Variants in MAST4 observed in about 807,000 individuals in gnomAD.
The protein encoded by MAST4 is microtubule-associated serine/threonine-protein kinase 4.
A neutral mutation model predicts 162.7 loss-of-function variants in MAST4; 89 were observed. The ratio of observed to expected loss-of-function variants is 0.55; its 90% confidence interval spans 0.46 to 0.65. The LOEUF is 0.65. MAST4 is among the 30% of genes least tolerant of loss of function. MAST4 has a pLI of 0.00. For missense variants in MAST4, 3,153 were observed against 3,374.0 expected, an observed-to-expected ratio of 0.93 and a Z score of 1.62; for synonymous variants, 1,479 against 1,361.1, an observed-to-expected ratio of 1.09 and a Z score of -1.91.
intron 1 of MAST4, among the ~76,000 whole-genome samples, chr5:66,754,994 G>A (rs908611559): frequency 2.6e-5 from 4 of 152,166 alleles, no homozygotes; most frequent in African/African-American, 9.7e-5. Flanking sequence ...AAGGTGGATC[G>A]AGTGGAGTGG....
At chr5:66,729,566 A>G (rs1446316043) in intron 1 of MAST4, among the ~76,000 whole-genome samples, 1 of 152,102 alleles carries the variant, frequency 6.6e-6, no homozygotes, top group Non-Finnish European at 1.5e-5. Flanking sequence ...ATTGATTTAT[A>G]CCTCACATCA....
chr5:66,794,920 AAG>A (rs1755579008), intron 3 of MAST4, among the ~76,000 whole-genome samples: 1 of 152,342 alleles, frequency 6.6e-6, no homozygotes, highest in East Asian at 1.9e-4. Context: ...ATTTGCAAAA[AAG>A]AAATGCATTA....
chr5:67,103,379 C>T (rs1765248739), intron 9 of MAST4, among the ~76,000 whole-genome samples: 1 of 152,212 alleles, frequency 6.6e-6, no homozygotes, highest in Admixed American at 6.5e-5. Context: ...GAGTAGAGTA[C>T]TTATTATTTG....
At chr5:66,761,748 T>G (rs1295867400) in intron 2 of MAST4, among the ~76,000 whole-genome samples, 1 of 152,162 alleles carries the variant, frequency 6.6e-6, no homozygotes, top group Non-Finnish European at 1.5e-5. Context: ...CTGCTGCAGT[T>G]TAAGGCAAAT....
intron 4 of MAST4, among the ~76,000 whole-genome samples, chr5:67,050,476 C>T (rs1309273065): frequency 1.3e-5 from 2 of 152,188 alleles, no homozygotes; most frequent in Admixed American, 6.5e-5. Flanking sequence ...GTCCTATCAT[C>T]AGAACATCTT....
chr5:67,036,855 T>A (rs957711144), intron 4 of MAST4, among the ~76,000 whole-genome samples: 1 of 152,222 alleles, frequency 6.6e-6, no homozygotes, highest in African/African-American at 2.4e-5. Flanking sequence ...TATGTCTTTG[T>A]AAGCATTTTT....
chr5:67,045,858 C>T (rs1051690012), intron 4 of MAST4, among the ~76,000 whole-genome samples: 2 of 152,074 alleles, frequency 1.3e-5, no homozygotes, highest in Non-Finnish European at 2.9e-5. Context: ...GTCATAAATT[C>T]CAGGAACTTG....
Position 66,670,869 on chromosome 5 carries a change from C to G in MAST4, c.363+73851C>G, listed in dbSNP as rs535830578. Among the ~76,000 whole-genome samples, 51 of 152,100 alleles carry G rather than the reference C, an allele frequency of 3.4e-4. No individual in the cohort carries two copies. The South Asian group carries it at 4.6e-3, about 14-fold the overall frequency. ...TATTATAGCTTGCCTGGGACAATCT[C>G]TATTTACACTTAACATAATTATTAA... On this transcript the variant is annotated intron_variant, in intron 1 of 28. Transcript: ENST00000403625.
At chr5:66,977,004 A>T (rs1748223856) in intron 4 of MAST4, among the ~76,000 whole-genome samples, 2 of 152,198 alleles carry the variant, frequency 1.3e-5, no homozygotes, top group African/African-American at 4.8e-5. Flanking sequence ...CAAGAGCTTT[A>T]AACCAAGCGA....
At chr5:66,984,250 G>A (rs1581105935) in intron 4 of MAST4, among the ~76,000 whole-genome samples, 1 of 152,220 alleles carries the variant, frequency 6.6e-6, no homozygotes, top group South Asian at 2.1e-4. Context: ...TGACCAGAAG[G>A]CAACAGCCAT....
intron 1 of MAST4, among the ~76,000 whole-genome samples, chr5:66,645,366 A>G (rs753753968): frequency 1.5e-4 from 23 of 152,164 alleles, no homozygotes; most frequent in South Asian, 4.1e-4. Flanking sequence ...TTTGTTCTTG[A>G]AGACTGTGAA....
At chr5:66,898,102 T>C (rs1404425056) in intron 3 of MAST4, among the ~76,000 whole-genome samples, 1 of 152,186 alleles carries the variant, frequency 6.6e-6, no homozygotes, top group Non-Finnish European at 1.5e-5. Flanking sequence ...AGCAGTATTA[T>C]TCATTTGGTC....
At chr5:66,771,712 C>A (rs1199109649) in intron 2 of MAST4, among the ~76,000 whole-genome samples, 1 of 150,356 alleles carries the variant, frequency 6.7e-6, no homozygotes, top group African/African-American at 2.4e-5. Context: ...ATCTAAGTTG[C>A]TTTGTTCTTA....
chr5:67,120,530 G>T (rs1349115230), intron 13 of MAST4, among the ~76,000 whole-genome samples: 1 of 152,164 alleles, frequency 6.6e-6, no homozygotes, highest in African/African-American at 2.4e-5. Context: ...TGGAAGTAAA[G>T]AAAGGCAGGC....
intron 2 of MAST4, among the ~76,000 whole-genome samples, chr5:66,772,571 G>A (rs76246207): frequency 0.038 from 5,770 of 152,272 alleles, 301 homozygotes; most frequent in African/African-American, 0.11. Context: ...CAATACAGTA[G>A]GGAGTGGGGA....
chr5:66,874,488 A>C (rs1761158360), intron 3 of MAST4, among the ~76,000 whole-genome samples: 1 of 152,190 alleles, frequency 6.6e-6, no homozygotes, highest in Admixed American at 6.5e-5. Flanking sequence ...ATCCAGAATA[A>C]ACAGGTTCAT....
rs149645203 is a variant in MAST4 at position 66,844,729 on chromosome 5, T to C, written c.643-55222T>C. Among the ~76,000 whole-genome samples, 289 of 152,148 alleles carry C rather than the reference T, an allele frequency of 1.9e-3. 1 individual carries two copies. Among genetic ancestry groups the C allele is most frequent in the Middle Eastern group, 6.8e-3 (2 of 294 alleles). On this transcript the variant is annotated intron_variant, in intron 3 of 28. Coordinates refer to ENST00000403625, the MANE Select transcript of MAST4 (RefSeq NM_001164664.2). ...ACATAGTAGATGCTCAAGAAAGGGA[T>C]AAGTAGATGAGTATAAAGAGTGCTG... is the stretch of plus-strand genomic sequence containing the variant.
rs1248500472 is a variant in MAST4 at position 66,965,590 on chromosome 5, G to T, written c.674+65608G>T. On this transcript the variant is annotated intron_variant, in intron 4 of 28. Transcript: ENST00000403625. ...AGTGGGGAGGGATTGGTGGGGGCGG[G>T]GGGGGGGGCGGTGAAGGATAAAACC... is the stretch of plus-strand genomic sequence containing the variant. Among the ~76,000 whole-genome samples, 8 of 120,976 alleles carry T rather than the reference G, an allele frequency of 6.6e-5. 1 individual carries two copies. The South Asian group carries it at 2.8e-3, about 43-fold the overall frequency. The allele number at this position is 120,976 out of a possible 152,430, so 79.4% of individuals were successfully genotyped here.
intron 4 of MAST4, among the ~76,000 whole-genome samples, chr5:66,915,368 T>C (rs1164847568): frequency 6.6e-6 from 1 of 151,948 alleles, no homozygotes; most frequent in East Asian, 1.9e-4. Flanking sequence ...TCTTGTATAG[T>C]GACTGTGGGA....
Sources: gnomAD v4.1 joint callset for allele counts (sites outside exome capture counted in the v4.1 genomes callset) on GRCh38, gnomAD v4.1.1 for gene constraint, MANE v1.5 for transcripts, NCBI Gene and HGNC (gene_info 2026-07-23, HGNC 2026-07-21) for gene names.